The following SYN3 variants were observed in gnomAD, a reference collection of about 807,000 sequenced individuals.
The protein encoded by SYN3 is synapsin III.
In SYN3, 35 loss-of-function variants were observed where a neutral mutation model predicts 65.8. The ratio of observed to expected loss-of-function variants is 0.53; its 90% CI spans 0.41 to 0.70. The LOEUF is 0.70. Ranked by LOEUF, SYN3 falls within the 30% of genes least tolerant of loss-of-function variation. The pLI is 0.00. For missense variants in SYN3, 680 were observed against 749.0 expected (o/e 0.91, Z 1.08); for synonymous variants, 270 against 292.9 (o/e 0.92, Z 0.80).
At chr22:32,722,582 G>A (rs939246414) in intron 6 of SYN3, among the ~76,000 whole-genome samples, 3 of 152,228 alleles carry the variant, frequency 2.0e-5, no homozygotes, top group Admixed American at 6.5e-5. Context: ...GTGCCAAGGA[G>A]TCAGGCGGAT....
chr22:32,511,978 C>CACT lies in SYN3; in HGVS notation c.*1713_*1714insAGT, dbSNP rs2057695877. Among the ~76,000 whole-genome samples the CACT allele has an allele frequency of 6.6e-6, 1 of 152,172 alleles. No homozygotes were observed. Among genetic ancestry groups the CACT allele is most frequent in the Admixed American group, 6.5e-5 (1 of 15,278 alleles). Reference sequence around the variant, plus strand: ...GGCTTTCTGGCAGCCAGGTGCACAGCTAGCACTTTCAATACTGACCCAGTC... The same window carrying CACT: ...GGCTTTCTGGCAGCCAGGTGCACAGCACTTAGCACTTTCAATACTGACCCAGTC... On this transcript the variant is annotated 3_prime_UTR_variant, in exon 14 of 14. Transcript: ENST00000358763.
At chr22:32,533,938 T>C in intron 9 of SYN3, 43 bp from the exon 10 acceptor site, 1 of 1,429,048 alleles carries the variant, frequency 7.0e-7, no homozygotes. Flanking sequence ...CCTGGGAAAG[T>C]GGGGAAGCGG....
chr22:32,826,195 G>A (rs913423112), intron 6 of SYN3, among the ~76,000 whole-genome samples: 2 of 152,260 alleles, frequency 1.3e-5, no homozygotes, highest in South Asian at 2.1e-4. Flanking sequence ...TTGGGAAGCC[G>A]AGGCAGGAGC....
intron 6 of SYN3, among the ~76,000 whole-genome samples, chr22:32,790,044 G>C (rs1057294703): frequency 6.6e-6 from 1 of 152,208 alleles, no homozygotes; most frequent in Non-Finnish European, 1.5e-5. Flanking sequence ...TATCACAGAC[G>C]AGAATACGGA....
At chr22:32,979,543 C>T (rs989534281) in intron 3 of SYN3, among the ~76,000 whole-genome samples, 2 of 152,098 alleles carry the variant, frequency 1.3e-5, no homozygotes, top group African/African-American at 4.8e-5. Flanking sequence ...AGTCATGCCC[C>T]CCATTTTAAA....
chr22:32,943,489 A>G (rs1353399331), intron 3 of SYN3, among the ~76,000 whole-genome samples: 1 of 152,230 alleles, frequency 6.6e-6, no homozygotes, highest in Admixed American at 6.5e-5. Context: ...TGGCATGAAA[A>G]AACATGCCAA....
intron 6 of SYN3, chr22:32,860,410 TA>T (rs1429650402): frequency 2.0e-5 from 3 of 152,654 alleles, no homozygotes; most frequent in Non-Finnish European, 4.4e-5. Flanking sequence ...CATGGGGACA[TA>T]AGCTAATTTT....
rs150198798 is a variant in SYN3, at chr22:32,567,470, C to T, written c.775-25757G>A. ...CAGAGCCAAAAGAGATTAAGATTCC[C>T]GCCTCCATGGAGCTTATGGCAATGG... On this transcript the variant is annotated intron_variant, in intron 7 of 13. Transcript: ENST00000358763. 1.3e-4 allele frequency among the ~76,000 whole-genome samples: 20 copies of T among 152,056 alleles called. No individual in the cohort carries two copies. In the East Asian group the frequency reaches 1.6e-3, roughly 12 times the overall value.
chr22:32,757,057 T>G lies in SYN3; in HGVS notation c.711+107858A>C, dbSNP rs58189783. On this transcript the variant is annotated intron_variant, in intron 6 of 13. Transcript: ENST00000358763. ...TTGACACAGTGGTTGCACTTTTTTT[T>G]GAGGGGGGGTGGTTTGGAGGAAAAG... is the stretch of plus-strand genomic sequence containing the variant. 9.0e-4 allele frequency among the ~76,000 whole-genome samples: 133 copies of G among 148,448 alleles called. 1 individual carries two copies. The highest frequency in any genetic ancestry group is 2.8e-3 in the African/African-American group (112 of 40,316).
At chr22:32,595,556 G>T (rs879791510) in intron 7 of SYN3, among the ~76,000 whole-genome samples, 4 of 152,256 alleles carry the variant, frequency 2.6e-5, no homozygotes, top group African/African-American at 7.2e-5. Context: ...GACTCTGGGG[G>T]CTTCTTCCAT....
chr22:32,999,206 T>A (rs1365332688), intron 2 of SYN3, among the ~76,000 whole-genome samples: 1 of 152,172 alleles, frequency 6.6e-6, no homozygotes, highest in Admixed American at 6.5e-5. Context: ...ATATTAACAC[T>A]GCAGGGTGGG....
chr22:32,639,039 C>T (rs527884304), intron 6 of SYN3, among the ~76,000 whole-genome samples: 3 of 152,174 alleles, frequency 2.0e-5, no homozygotes, highest in South Asian at 2.1e-4. Flanking sequence ...CTGCAAGCTC[C>T]GTCTCCTGGG....
intron 6 of SYN3, among the ~76,000 whole-genome samples, chr22:32,835,331 C>T (rs1427194356): frequency 6.6e-6 from 1 of 152,100 alleles, no homozygotes; most frequent in Non-Finnish European, 1.5e-5. Flanking sequence ...AGATGTAATT[C>T]CGGCAGAATT....
chr22:32,570,280 G>A (rs1217509612), intron 7 of SYN3, among the ~76,000 whole-genome samples: 1 of 152,182 alleles, frequency 6.6e-6, no homozygotes, highest in Non-Finnish European at 1.5e-5. Flanking sequence ...GTCCCGCCAG[G>A]GGATGGCTAG....
At chr22:33,052,353 C>A (rs1272065619) in intron 1 of SYN3, among the ~76,000 whole-genome samples, 1 of 149,734 alleles carries the variant, frequency 6.7e-6, no homozygotes, top group African/African-American at 2.6e-5. Flanking sequence ...TAAGAGACTG[C>A]AGTGTGGAAC....
chr22:32,929,084 A>G (rs1168615079), intron 4 of SYN3, among the ~76,000 whole-genome samples: 2 of 152,162 alleles, frequency 1.3e-5, no homozygotes, highest in African/African-American at 4.8e-5. Context: ...GGAGTTTGAG[A>G]CCAGCCTGAC....
chr22:32,544,045 T>C (rs530134930), intron 7 of SYN3, among the ~76,000 whole-genome samples: 1 of 152,078 alleles, frequency 6.6e-6, no homozygotes, highest in South Asian at 2.1e-4. Context: ...CTCAAGCAAT[T>C]CTCCTGCCTC....
At chr22:32,620,940 G>A (rs906956882) in intron 6 of SYN3, among the ~76,000 whole-genome samples, 2 of 126,106 alleles carry the variant, frequency 1.6e-5, no homozygotes, top group Non-Finnish European at 3.1e-5. Context: ...GGCTGGTCTC[G>A]AACTCCTGAC....
chr22:32,633,508 G>A (rs1414166413), intron 6 of SYN3, among the ~76,000 whole-genome samples: 3 of 152,216 alleles, frequency 2.0e-5, no homozygotes, highest in Non-Finnish European at 4.4e-5. Context: ...TACGTGCGTA[G>A]GCATTAAGAA....
Sources: allele counts gnomAD v4.1 joint callset (sites outside exome capture counted in the v4.1 genomes callset), GRCh38; gene constraint gnomAD v4.1.1; transcripts MANE v1.5; gene names NCBI Gene and HGNC (gene_info 2026-07-23, HGNC 2026-07-21).